Variants in PATJ observed in about 807,000 individuals in gnomAD.
PATJ encodes the protein PATJ crumbs cell polarity complex component.
PATJ carries 190 observed loss-of-function variants against 224.9 expected under a neutral mutation model. The observed-to-expected ratio is 0.84, with a 90% confidence interval of 0.75 to 0.95. PATJ has a LOEUF of 0.95. Ranked by LOEUF, PATJ falls within the 40% of genes least tolerant of loss-of-function variation. The pLI, the probability that PATJ is intolerant of heterozygous loss-of-function variation, is 0.00. For synonymous variants in PATJ, 769 were observed against 820.3 expected (o/e 0.94, Z 1.07); for missense variants, 2,121 against 2,270.3 (o/e 0.93, Z 1.34).
chr1:62,122,897 C>A, intron 38 of PATJ, 124 bp from the exon 39 acceptor site: 1 of 520,660 alleles, frequency 1.9e-6, no homozygotes. Flanking sequence ...GGTACAATAC[C>A]TGCTTGCTTT....
At chr1:61,954,836 C>CTTCTCCTCCCGGGTTCACAGCA (rs1680217881) in intron 27 of PATJ, among the ~76,000 whole-genome samples, 1 of 147,994 alleles carries the variant, frequency 6.8e-6, no homozygotes, top group Non-Finnish European at 1.5e-5. Context: ...TCACTGCAAA[C>CTTCTCCTCCCGGGTTCACAGCA]TTCTCCTCCC....
intron 1 of PATJ, among the ~76,000 whole-genome samples, chr1:61,755,166 G>A (rs1026997888): frequency 4.0e-5 from 6 of 151,828 alleles, no homozygotes; most frequent in African/African-American, 9.7e-5. Context: ...AAAATTAGCC[G>A]GGCGTAGTGG....
chr1:61,972,451 TGTC>T (rs1683113815), intron 27 of PATJ, among the ~76,000 whole-genome samples: 1 of 152,074 alleles, frequency 6.6e-6, no homozygotes. Flanking sequence ...GATTTTCTGT[TGTC>T]TTCATTTAAA....
chr1:62,161,161 C>CTTTTTTTTTTTTTTTTTTTTTT lies in PATJ; in HGVS notation c.*109_*110insTTTTTTTTTTTTTTTTTTTTTT, dbSNP rs1558254425. On this transcript the variant is annotated 3_prime_UTR_variant, in exon 44 of 44. Transcript: ENST00000642238. Reference sequence around the variant, plus strand: ...CCCTCAACTAAAATGCACCTTCATTCTTATTTCTTGCCCTCTCTGCTCAGG... The same window carrying CTTTTTTTTTTTTTTTTTTTTTT: ...CCCTCAACTAAAATGCACCTTCATTCTTTTTTTTTTTTTTTTTTTTTTTTATTTCTTGCCCTCTCTGCTCAGG... 1.1e-6 allele frequency: 1 copy of CTTTTTTTTTTTTTTTTTTTTTT among 872,080 alleles called. No individual in the cohort carries two copies. Among genetic ancestry groups the CTTTTTTTTTTTTTTTTTTTTTT allele is most frequent in the African/African-American group, 1.7e-5 (1 of 58,922 alleles). 54.0% of individuals were successfully genotyped at this position (872,080 alleles called of 1,614,324 possible). A position where few individuals can be genotyped will look rare whatever the true frequency, so the allele number is the denominator to read the frequency against.
At position 61,769,361 on chromosome 1, in the gene PATJ, C is replaced by T. The variant is rs1481604265; in HGVS notation, c.463C>T (p.Gln155Ter). 1.2e-6 allele frequency: 2 copies of T among 1,613,984 alleles called. No homozygotes were observed. Among genetic ancestry groups the T allele is most frequent in the East Asian group, 2.2e-5 (1 of 44,878 alleles). Residue 155 changes from glutamine (Q) to a stop codon, truncating the protein, a stop_gained, in exon 5 of 44, where the codon CAA becomes TAA. Transcript: ENST00000642238. LOFTEE classifies it high-confidence loss of function. ...LGFSVVALRSQNLGKVDIFVK... is the reference protein window; with the variant it reads ...LGFSVVALRS The stretch of plus-strand genomic sequence containing the variant: ...ATTCAGTGTGGTGGCCCTCAGAAGT[C>T]AAAATCTCGGAAAAGTTGATATCTT...
At chr1:61,749,385 C>T (rs766581966) in intron 1 of PATJ, among the ~76,000 whole-genome samples, 2 of 152,076 alleles carry the variant, frequency 1.3e-5, no homozygotes, top group African/African-American at 2.4e-5. Flanking sequence ...GCCTACAGAG[C>T]GGGTCCTAGG....
Position 61,866,761 on chromosome 1 carries a change from T to C in PATJ, c.2835+2128T>C, listed in dbSNP as rs147902763. On this transcript the variant is annotated intron_variant, in intron 20 of 43. Coordinates refer to ENST00000642238, the MANE Select transcript of PATJ (RefSeq NM_001350145.3). ...CACAAGAAAAATTTGAGCGAATCCA[T>C]AGAGTAAAATGAAAGCAAGTTTATT... 2.2e-3 allele frequency among the ~76,000 whole-genome samples: 336 copies of C among 152,218 alleles called. 2 individuals carry two copies. The highest frequency in any genetic ancestry group is 7.4e-3 in the African/African-American group (308 of 41,530).
chr1:61,748,325 G>A (rs1038888830), intron 1 of PATJ, among the ~76,000 whole-genome samples: 57 of 117,352 alleles, frequency 4.9e-4, no homozygotes, highest in Non-Finnish European at 5.5e-4. Context: ...CTTGATCTCC[G>A]CTCACTCCAA....
At chr1:62,057,800 T>C (rs1396415071) in intron 31 of PATJ, among the ~76,000 whole-genome samples, 1 of 152,232 alleles carries the variant, frequency 6.6e-6, no homozygotes, top group East Asian at 1.9e-4. Flanking sequence ...TGCCATAGCA[T>C]CCAGGGCTTC....
chr1:61,811,608 T>C (rs1223355710), intron 14 of PATJ, among the ~76,000 whole-genome samples: 1 of 151,226 alleles, frequency 6.6e-6, no homozygotes, highest in East Asian at 1.9e-4. Flanking sequence ...CTCTTAGATA[T>C]TTTCTATTTA....
At chr1:62,111,594 G>T (rs1663816315) in intron 34 of PATJ, among the ~76,000 whole-genome samples, 1 of 151,974 alleles carries the variant, frequency 6.6e-6, no homozygotes, top group Admixed American at 6.6e-5. Flanking sequence ...ATTTACACAG[G>T]GTTTCATATA....
rs377647844 is a variant in PATJ, at chr1:61,789,229, C to T, written c.1068+1257C>T. On this transcript the variant is annotated intron_variant, in intron 8 of 43. Transcript: ENST00000642238. ...GCTAAGGCTGGAGAATCATGTCAACCGAGGAGGCAGAGGTTGCAGTGAGCT... is the reference window on the plus strand; with the variant it reads ...GCTAAGGCTGGAGAATCATGTCAACTGAGGAGGCAGAGGTTGCAGTGAGCT... Among the ~76,000 whole-genome samples, 14 of 151,982 alleles carry T rather than the reference C, an allele frequency of 9.2e-5. No homozygotes were observed. The East Asian group carries it at 2.4e-3, about 26-fold the overall frequency.
chr1:62,005,301 C>G (rs1646023519), intron 28 of PATJ, among the ~76,000 whole-genome samples: 1 of 151,924 alleles, frequency 6.6e-6, no homozygotes, highest in Non-Finnish European at 1.5e-5. Flanking sequence ...CTCAAGTGAT[C>G]CACCCACCTT....
chr1:62,127,932 T>A, intron 39 of PATJ, 40 bp from the exon 40 acceptor site: 1 of 1,610,276 alleles, frequency 6.2e-7, no homozygotes, highest in Non-Finnish European at 8.5e-7. Flanking sequence ...TTGTGGCTCT[T>A]TATTAAATAT....
At position 61,763,030 on chromosome 1, in the gene PATJ, C is replaced by A; in HGVS notation, c.40C>A (p.Gln14Lys). Residue 14 changes from glutamine to lysine, a missense_variant, in exon 3 of 44, where the codon CAG becomes AAG. Coordinates refer to ENST00000642238, the MANE Select transcript of PATJ (RefSeq NM_001350145.3). ...NPATDKLQVL[Q>K]VLDRLKMKLQ... ...GACCCAAGATAAACTGCAGGTGCTG[C>A]AGGTACTTGATCGCCTGAAAATGAA... 1 of 1,609,900 alleles carries A rather than the reference C, an allele frequency of 6.2e-7. No individual in the cohort carries two copies. The highest frequency in any genetic ancestry group is 8.5e-7 in the Non-Finnish European group (1 of 1,177,618).
At chr1:62,151,861 G>A (rs1668671471) in intron 42 of PATJ, among the ~76,000 whole-genome samples, 2 of 152,144 alleles carry the variant, frequency 1.3e-5, no homozygotes, top group Admixed American at 1.3e-4. Flanking sequence ...TAGCATTTGG[G>A]AATAAGAAAT....
intron 27 of PATJ, among the ~76,000 whole-genome samples, chr1:61,944,985 A>C: frequency 6.6e-6 from 1 of 152,226 alleles, no homozygotes; most frequent in African/African-American, 2.4e-5. Context: ...TAAGCTTCAT[A>C]AGTGAAGGAG....
intron 42 of PATJ, among the ~76,000 whole-genome samples, chr1:62,151,079 C>T (rs566051133): frequency 4.0e-5 from 6 of 151,798 alleles, no homozygotes; most frequent in South Asian, 4.2e-4. Context: ...GCAGAGGTTG[C>T]GGTGAGCCAA....
At chr1:61,771,722 T>C in intron 6 of PATJ, 96 bp downstream of exon 6, 1 of 962,044 alleles carries the variant, frequency 1.0e-6, no homozygotes, top group Non-Finnish European at 1.5e-6. Context: ...TACCTTTCTT[T>C]CCTTTTTTTT....
Sources: gnomAD v4.1 joint callset for allele counts (sites outside exome capture counted in the v4.1 genomes callset) on GRCh38, gnomAD v4.1.1 for gene constraint, MANE v1.5 for transcripts, NCBI Gene and HGNC (gene_info 2026-07-23, HGNC 2026-07-21) for gene names.